DOCK3: variants seen among roughly 807,000 people sequenced by gnomAD.
DOCK3 encodes dedicator of cytokinesis 3.
DOCK3 carries 60 observed loss-of-function variants against 265.6 expected under a neutral mutation model. That is an observed-to-expected ratio of 0.23 (90% confidence interval 0.18 to 0.28). DOCK3 has a LOEUF of 0.28. Among genes scored for constraint, DOCK3 ranks in the 10% least tolerant of loss-of-function variants. DOCK3 has a pLI of 1.00. For missense variants in DOCK3, 1,981 were observed against 2,594.3 expected (o/e 0.76, Z 5.14); for synonymous variants, 881 against 938.0 (o/e 0.94, Z 1.11).
rs891307389 is a variant in DOCK3, at chr3:51,082,835, G to C, written c.550-6408G>C. Among the ~76,000 whole-genome samples the C allele has an allele frequency of 2.6e-4, 40 of 152,060 alleles. 1 individual carries two copies. Among genetic ancestry groups the C allele is most frequent in the Admixed American group, 2.6e-3 (39 of 15,272 alleles). ...GGACAGACCTATAGGATAGGTCTGT[G>C]GGTAGGCCCACAGCTGTTGTCCCCA... On this transcript the variant is annotated intron_variant, in intron 7 of 52. Coordinates refer to ENST00000266037, the MANE Select transcript of DOCK3 (RefSeq NM_004947.5).
At position 51,350,508 on chromosome 3, in the gene DOCK3, T is replaced by C. The variant is rs962312779; in HGVS notation, c.4107+116T>C. ...CTACTGAATACTTCTTTACAGAGGA[T>C]AAACCAGTTAACAACAGGCATTTGG... On this transcript the variant is annotated intron_variant, in intron 40 of 52. Transcript: ENST00000266037. 4.5e-6 allele frequency: 5 copies of C among 1,123,462 alleles called. No homozygotes were observed. The African/African-American group carries it at 8.0e-5, about 18-fold the overall frequency. 69.6% of individuals were successfully genotyped at this position (1,123,462 alleles called of 1,614,324 possible).
intron 5 of DOCK3, among the ~76,000 whole-genome samples, chr3:51,013,231 CT>C (rs2079022442): frequency 2.0e-5 from 3 of 152,156 alleles, no homozygotes; most frequent in Admixed American, 6.5e-5. Context: ...ATGCAGTGCT[CT>C]GGTTTTTAGA....
chr3:51,287,713 T>C (rs1223814099), intron 27 of DOCK3, among the ~76,000 whole-genome samples: 1 of 152,246 alleles, frequency 6.6e-6, no homozygotes, highest in Non-Finnish European at 1.5e-5. Context: ...CCAGCCATTA[T>C]GGAAAGCAGT....
chr3:50,759,301 C>T (rs914578311), intron 1 of DOCK3, among the ~76,000 whole-genome samples: 6 of 152,034 alleles, frequency 3.9e-5, no homozygotes, highest in Middle Eastern at 3.4e-3. Context: ...TTTTCCACAG[C>T]GGCTGCACCA....
At chr3:50,882,378 G>T (rs1224305732) in intron 3 of DOCK3, among the ~76,000 whole-genome samples, 1 of 152,114 alleles carries the variant, frequency 6.6e-6, no homozygotes, top group Admixed American at 6.6e-5. Context: ...CTGACAAAGG[G>T]CTAATATCCA....
intron 27 of DOCK3, among the ~76,000 whole-genome samples, chr3:51,305,029 G>GT (rs1560396257): frequency 6.6e-6 from 1 of 152,218 alleles, no homozygotes; most frequent in African/African-American, 2.4e-5. Flanking sequence ...TGAGGAAAAC[G>GT]TGTGTATTTT....
At chr3:50,921,316 A>T (rs2050450124) in intron 4 of DOCK3, among the ~76,000 whole-genome samples, 1 of 152,060 alleles carries the variant, frequency 6.6e-6, no homozygotes, top group Non-Finnish European at 1.5e-5. Context: ...AGTCACTGAT[A>T]CCCTTTCTTC....
chr3:51,263,477 T>C (rs1203121903), intron 23 of DOCK3, among the ~76,000 whole-genome samples: 2 of 152,178 alleles, frequency 1.3e-5, no homozygotes, highest in African/African-American at 4.8e-5. Context: ...TACCAAATTA[T>C]AAGGATCATC....
At chr3:50,711,167 C>T (rs7611428) in intron 1 of DOCK3, among the ~76,000 whole-genome samples, 130,266 of 152,138 alleles carry the variant, frequency 0.86, 56,052 homozygotes, top group East Asian at 0.95. Context: ...GGTTTTTGTC[C>T]TTTATTAGTA....
intron 6 of DOCK3, among the ~76,000 whole-genome samples, chr3:51,072,563 C>A (rs901960587): frequency 1.1e-4 from 16 of 152,012 alleles, no homozygotes; most frequent in Admixed American, 6.6e-4. Context: ...CACCCACCAC[C>A]ACACCCAGCT....
At chr3:51,028,510 C>A (rs941001124) in intron 5 of DOCK3, among the ~76,000 whole-genome samples, 1 of 152,080 alleles carries the variant, frequency 6.6e-6, no homozygotes, top group Non-Finnish European at 1.5e-5. Context: ...CCCTCAAATA[C>A]GTTTTCTAAA....
chr3:50,827,688 C>T (rs1331105479), intron 2 of DOCK3, among the ~76,000 whole-genome samples: 1 of 152,060 alleles, frequency 6.6e-6, no homozygotes. Context: ...CAACCTATAG[C>T]TTGTGGTTTG....
intron 3 of DOCK3, chr3:50,880,612 T>C (rs1204948370): frequency 3.8e-5 from 6 of 158,710 alleles, no homozygotes; most frequent in South Asian, 1.5e-4. Context: ...CAATAACAGG[T>C]TCTGAAATTG....
intron 9 of DOCK3, among the ~76,000 whole-genome samples, chr3:51,091,969 C>G (rs1293356420): frequency 6.6e-6 from 1 of 152,168 alleles, no homozygotes; most frequent in Non-Finnish European, 1.5e-5. Flanking sequence ...ACTGTGCACT[C>G]TGGCCCAGAT....
At chr3:51,175,360 C>A (rs2086886886) in intron 12 of DOCK3, among the ~76,000 whole-genome samples, 1 of 152,170 alleles carries the variant, frequency 6.6e-6, no homozygotes, top group Non-Finnish European at 1.5e-5. Context: ...ACCACTCAGA[C>A]TGTGGCTAGG....
intron 2 of DOCK3, among the ~76,000 whole-genome samples, chr3:50,823,683 C>T (rs1336015259): frequency 6.6e-6 from 1 of 152,212 alleles, no homozygotes; most frequent in African/African-American, 2.4e-5. Flanking sequence ...CTGTTGGGTA[C>T]ACCTCCCAGA....
chr3:51,053,080 T>TATATATATAG (rs1553745821), intron 5 of DOCK3, among the ~76,000 whole-genome samples: 16 of 35,886 alleles, frequency 4.5e-4, no homozygotes, highest in Non-Finnish European at 7.4e-4. Flanking sequence ...AAGTCAAAGA[T>TATATATATAG]ATATATATAT....
intron 12 of DOCK3, among the ~76,000 whole-genome samples, chr3:51,199,343 C>T (rs939283979): frequency 1.1e-4 from 17 of 152,206 alleles, no homozygotes; most frequent in African/African-American, 1.7e-4. Context: ...CCAAATACTG[C>T]GCTTTTCCGA....
chr3:51,061,118 T>G (rs926139641), intron 5 of DOCK3, among the ~76,000 whole-genome samples: 1 of 152,248 alleles, frequency 6.6e-6, no homozygotes, highest in African/African-American at 2.4e-5. Context: ...TTGGTGGCAC[T>G]GTAAACTAGT....
Sources: allele counts gnomAD v4.1 joint callset (sites outside exome capture counted in the v4.1 genomes callset), GRCh38; gene constraint gnomAD v4.1.1; transcripts MANE v1.5; gene names NCBI Gene and HGNC (gene_info 2026-07-23, HGNC 2026-07-21).